SEC31A: variants seen among roughly 807,000 people sequenced by gnomAD.
The protein encoded by SEC31A is protein transport protein Sec31A.
In SEC31A, 70 loss-of-function variants were observed where a neutral mutation model predicts 151.0. The observed-to-expected ratio is 0.46, with a 90% CI of 0.38 to 0.57. The LOEUF is 0.57. SEC31A is among the 20% of genes least tolerant of loss of function. SEC31A has a pLI of 0.00. For synonymous variants in SEC31A, 475 were observed against 505.9 expected, an observed-to-expected ratio of 0.94 and a Z score of 0.82; for missense variants, 1,330 against 1,471.2, an observed-to-expected ratio of 0.90 and a Z score of 1.57.
chr4:82,852,063 T>C (rs1192464743), intron 18 of SEC31A, among the ~76,000 whole-genome samples: 4 of 152,108 alleles, frequency 2.6e-5, no homozygotes, highest in South Asian at 2.1e-4. Flanking sequence ...TGGGAGGTAA[T>C]TGAATCATGG....
intron 22 of SEC31A, among the ~76,000 whole-genome samples, chr4:82,835,332 G>A (rs934308377): frequency 6.6e-6 from 1 of 152,118 alleles, no homozygotes; most frequent in Non-Finnish European, 1.5e-5. Flanking sequence ...TATCAACACA[G>A]TACATTTTAA....
At chr4:82,876,619 A>G (rs1359026067) in intron 4 of SEC31A, among the ~76,000 whole-genome samples, 1 of 152,008 alleles carries the variant, frequency 6.6e-6, no homozygotes, top group Non-Finnish European at 1.5e-5. Flanking sequence ...ATCTCTTGTC[A>G]TAACTCTTCA....
chr4:82,890,901 G>T (rs1048056482), intron 1 of SEC31A, 187 bp downstream of exon 1: 1 of 1,406,456 alleles, frequency 7.1e-7, no homozygotes, highest in African/African-American at 1.5e-5. Context: ...GCGATCACTG[G>T]AGTCCAGATG....
chr4:82,875,471 G>A (rs998157404), intron 5 of SEC31A, among the ~76,000 whole-genome samples: 3 of 152,094 alleles, frequency 2.0e-5, no homozygotes, highest in Non-Finnish European at 4.4e-5. Context: ...TGTTCATTTT[G>A]TTTACTACTG....
At chr4:82,832,189 G>A (rs989499438) in intron 22 of SEC31A, among the ~76,000 whole-genome samples, 1 of 152,114 alleles carries the variant, frequency 6.6e-6, no homozygotes, top group Admixed American at 6.6e-5. Flanking sequence ...AAAACAGCAA[G>A]GTACTGGTAC....
Position 82,842,437 on chromosome 4 carries a change from C to T in SEC31A, c.2671G>A (p.Ala891Thr). 6.2e-7 allele frequency: 1 copy of T among 1,613,704 alleles called. No individual in the cohort carries two copies. The highest frequency in any genetic ancestry group is 8.5e-7 in the Non-Finnish European group (1 of 1,179,840). The change falls in exon 22 of 27, where the codon GCA becomes ACA. Residue 891 changes from alanine (A) to threonine (T), a missense_variant. Transcript: ENST00000395310. ...ACAGGCTGCTGAGGTCGATACATTGCTGACCCCCCTGTTCCGAAGGGATAC... is the reference window on the plus strand; with the variant it reads ...ACAGGCTGCTGAGGTCGATACATTGTTGACCCCCCTGTTCCGAAGGGATAC... ...QPYPFGTGGS[A>T]MYRPQQPVAP...
chr4:82,847,736 A>AG (rs574622676), intron 20 of SEC31A, among the ~76,000 whole-genome samples: 75 of 152,162 alleles, frequency 4.9e-4, no homozygotes, highest in Non-Finnish European at 9.4e-4. Context: ...ATCTCCATGA[A>AG]GGGGGGAATT....
In SEC31A at chr4:82,834,567, G is replaced by A. The variant is rs190781064; in HGVS notation, c.2969-5509C>T. Among the ~76,000 whole-genome samples the A allele has an allele frequency of 4.6e-3, 700 of 152,248 alleles. 5 individuals are homozygous for A. Among genetic ancestry groups the A allele is most frequent in the Admixed American group, 6.5e-3 (99 of 15,298 alleles). The stretch of plus-strand genomic sequence containing the variant: ...TCTCAGGAGGAAGGTCCGTTGGCTA[G>A]CCTGAATAAGTTAAAGGAGGGTGGG... On this transcript the variant is annotated intron_variant, in intron 22 of 26. Coordinates refer to ENST00000395310, the MANE Select transcript of SEC31A (RefSeq NM_001077207.4).
intron 1 of SEC31A, among the ~76,000 whole-genome samples, chr4:82,889,698 A>G (rs1002867857): frequency 6.6e-5 from 10 of 152,204 alleles, no homozygotes; most frequent in African/African-American, 2.4e-4. Context: ...ATTTATTTCT[A>G]TTCCCATGTT....
chr4:82,853,974 CAAT>C (rs2149383907), intron 17 of SEC31A, among the ~76,000 whole-genome samples: 1 of 152,126 alleles, frequency 6.6e-6, no homozygotes, highest in East Asian at 1.9e-4. Context: ...ATTAGAAAAA[CAAT>C]AAATGGGAAC....
rs1724352353 is a variant in SEC31A, at chr4:82,825,523, AAG to A, written c.3292-851_3292-850del. ...GAGTTGAACAGTTAAGTGAGGAAAAAAGAGCATTCCAGACGAAAGGAATAACA... is the reference window on the plus strand; with the variant it reads ...GAGTTGAACAGTTAAGTGAGGAAAAAAGCATTCCAGACGAAAGGAATAACA... On this transcript the variant is annotated intron_variant, in intron 24 of 26. Transcript: ENST00000395310. 2.0e-5 allele frequency among the ~76,000 whole-genome samples: 3 copies of A among 152,354 alleles called. No homozygotes were observed. The South Asian group carries it at 6.2e-4, about 32-fold the overall frequency.
chr4:82,867,405 A>G, intron 8 of SEC31A, 89 bp from the exon 9 acceptor site: 1 of 1,084,328 alleles, frequency 9.2e-7, no homozygotes, highest in Non-Finnish European at 1.3e-6. Context: ...GTCAACAAGT[A>G]TAGTTAAATT....
Position 82,821,097 on chromosome 4 carries a change from C to T in SEC31A, c.3423G>A (p.Arg1141=), listed in dbSNP as rs761429193. 8 of 1,613,842 alleles carry T rather than the reference C, an allele frequency of 5.0e-6. No individual in the cohort carries two copies. The East Asian group carries it at 8.9e-5, about 18-fold the overall frequency. ...AACGTTTGCTGGCATCATCTAGCTT[C>T]CTCTTGGTTTGCTGCAGGAAAGAAA... ...LSSATDPQTK[R]KLDDASKRLE... Residue 1141 remains arginine (R), a synonymous_variant, in exon 26 of 27, where the codon AGG becomes AGA. Transcript: ENST00000395310.
intron 14 of SEC31A, 32 bp from the exon 15 acceptor site, chr4:82,857,796 A>G (rs1733009851): frequency 2.2e-6 from 3 of 1,360,026 alleles, no homozygotes; most frequent in Non-Finnish European, 3.1e-6. Flanking sequence ...CAATTTAGCC[A>G]GAATAAAACT....
chr4:82,893,763 C>G (rs185512279), upstream of SEC31A: 8 of 152,230 alleles, frequency 5.3e-5, no homozygotes, highest in Admixed American at 3.9e-4. Context: ...AAAATATAAA[C>G]TATATTTTTG....
At chr4:82,832,909 A>G (rs1204709125) in intron 22 of SEC31A, among the ~76,000 whole-genome samples, 1 of 152,142 alleles carries the variant, frequency 6.6e-6, no homozygotes, top group Non-Finnish European at 1.5e-5. Context: ...GAAACAACAG[A>G]TGCTGGAGAG....
chr4:82,899,183 T>C (rs532820084), intron 3 of SEC31A, among the ~76,000 whole-genome samples: 6 of 152,226 alleles, frequency 3.9e-5, no homozygotes, highest in Admixed American at 3.9e-4. Context: ...ACTAAATTAG[T>C]GTTTGCTGAG....
chr4:82,826,279 A>G (rs1483556006), intron 24 of SEC31A, among the ~76,000 whole-genome samples: 3 of 152,078 alleles, frequency 2.0e-5, no homozygotes, highest in Non-Finnish European at 2.9e-5. Context: ...AGAAAGAACC[A>G]TTTCTTCTCA....
chr4:82,825,762 G>C (rs1724418050), intron 24 of SEC31A, among the ~76,000 whole-genome samples: 1 of 152,182 alleles, frequency 6.6e-6, no homozygotes, highest in Non-Finnish European at 1.5e-5. Context: ...CCAATTAGGA[G>C]GTTCCTGCAC....
Sources: gnomAD v4.1 joint callset for allele counts (sites outside exome capture counted in the v4.1 genomes callset) on GRCh38, gnomAD v4.1.1 for gene constraint, MANE v1.5 for transcripts, NCBI Gene and HGNC (gene_info 2026-07-23, HGNC 2026-07-21) for gene names.